SEMA3C: variants seen among roughly 807,000 people sequenced by gnomAD.
SEMA3C encodes semaphorin-3C.
In SEMA3C, 47 loss-of-function variants were observed where a neutral mutation model predicts 89.4. The observed-to-expected ratio is 0.53, with a 90% CI of 0.42 to 0.67. The LOEUF is 0.67. Among genes scored for constraint, SEMA3C ranks in the 30% least tolerant of loss-of-function variants. The probability of loss-of-function intolerance (pLI) is 0.00; values close to 1 mark genes in which losing one functional copy is unlikely to be tolerated. For synonymous variants in SEMA3C, 310 were observed against 320.2 expected (o/e 0.97, Z 0.34); for missense variants, 839 against 929.1 (o/e 0.90, Z 1.26).
At chr7:80,862,982 T>C (rs1034546462) in intron 2 of SEMA3C, among the ~76,000 whole-genome samples, 2 of 152,046 alleles carry the variant, frequency 1.3e-5, no homozygotes, top group Non-Finnish European at 2.9e-5. Flanking sequence ...CCTGAAACTA[T>C]AAAAATTCTA....
At chr7:80,899,168 G>C (rs1019807266) in intron 2 of SEMA3C, among the ~76,000 whole-genome samples, 2 of 152,146 alleles carry the variant, frequency 1.3e-5, no homozygotes, top group Non-Finnish European at 2.9e-5. Context: ...AGCCTCCTGA[G>C]TAGCTGCGAT....
intron 5 of SEMA3C, among the ~76,000 whole-genome samples, chr7:80,811,887 C>T (rs963894702): frequency 6.6e-6 from 1 of 152,062 alleles, no homozygotes; most frequent in Non-Finnish European, 1.5e-5. Flanking sequence ...TTTATATAGT[C>T]GCAATCAACA....
chr7:80,811,599 T>C (rs1425435759), intron 5 of SEMA3C, among the ~76,000 whole-genome samples: 1 of 152,022 alleles, frequency 6.6e-6, no homozygotes, highest in African/African-American at 2.4e-5. Context: ...TGATAAGGAA[T>C]CTTAATTATC....
At chr7:80,764,837 A>G (rs557497914) in intron 13 of SEMA3C, among the ~76,000 whole-genome samples, 3 of 152,310 alleles carry the variant, frequency 2.0e-5, no homozygotes, top group South Asian at 2.1e-4. Flanking sequence ...AAGCCCTTTC[A>G]TGGCAAAATC....
At chr7:80,753,016 C>A (rs1285245530) in intron 15 of SEMA3C, among the ~76,000 whole-genome samples, 1 of 152,114 alleles carries the variant, frequency 6.6e-6, no homozygotes, top group Non-Finnish European at 1.5e-5. Context: ...ATCACAAAGT[C>A]ATTGATAGTG....
intron 12 of SEMA3C, among the ~76,000 whole-genome samples, chr7:80,767,138 T>G (rs368225667): frequency 2.0e-5 from 3 of 152,336 alleles, no homozygotes. Context: ...ACTCCTGCTC[T>G]AAAACTTGCG....
chr7:80,921,400 T>A (rs1250666046), upstream of SEMA3C, among the ~76,000 whole-genome samples: 1 of 152,164 alleles, frequency 6.6e-6, no homozygotes, highest in African/African-American at 2.4e-5. Flanking sequence ...GCCAGAGACT[T>A]AGGCCACAGA....
rs78714209 is a variant in SEMA3C, at chr7:80,789,655, G to T, written c.1132-127C>A. On this transcript the variant is annotated intron_variant, in intron 11 of 17. Transcript: ENST00000265361. Reference sequence around the variant, plus strand: ...GTTTTAAGTATATCTGCTACCTATGGAAGTGAAAAGAAATAACATGATTAT... The same window carrying T: ...GTTTTAAGTATATCTGCTACCTATGTAAGTGAAAAGAAATAACATGATTAT... 6,292 of 640,296 alleles carry T rather than the reference G, an allele frequency of 9.8e-3. 277 individuals carry two copies. In the East Asian group the frequency reaches 0.11, roughly 11 times the overall value. The allele number at this position is 640,296 out of a possible 1,614,324, so 39.7% of individuals were successfully genotyped here.
At position 80,845,504 on chromosome 7, in the gene SEMA3C, C is replaced by T. The variant is rs1790369291; in HGVS notation, c.104-16759G>A. On this transcript the variant is annotated intron_variant, in intron 2 of 17. Transcript: ENST00000265361. ...AATGGCACCAGCATCCATATTCAACCTACAAACAATAAAATCATGCTCCAT... is the reference window on the plus strand; with the variant it reads ...AATGGCACCAGCATCCATATTCAACTTACAAACAATAAAATCATGCTCCAT... Among the ~76,000 whole-genome samples the T allele has an allele frequency of 2.0e-5, 3 of 152,046 alleles. No homozygotes were observed. The South Asian group carries it at 6.2e-4, about 32-fold the overall frequency.
At chr7:80,793,408 A>G (rs1788988565) in intron 11 of SEMA3C, 1 of 406,794 alleles carries the variant, frequency 2.5e-6, no homozygotes, top group Non-Finnish European at 4.8e-6. Flanking sequence ...CCATTACTTG[A>G]GCATATTTTA....
intron 5 of SEMA3C, among the ~76,000 whole-genome samples, chr7:80,811,551 T>TAA (rs142288894): frequency 2.0e-5 from 3 of 147,306 alleles, no homozygotes; most frequent in Non-Finnish European, 4.5e-5. Context: ...AAATTCAAAG[T>TAA]AAAAAAAAAA....
chr7:80,809,356 T>C (rs183300261), intron 6 of SEMA3C, among the ~76,000 whole-genome samples: 1 of 152,302 alleles, frequency 6.6e-6, no homozygotes, highest in Admixed American at 6.5e-5. Flanking sequence ...AACACCCCTT[T>C]AACCATTTCT....
intron 2 of SEMA3C, among the ~76,000 whole-genome samples, chr7:80,914,911 C>T (rs1792233326): frequency 6.6e-6 from 1 of 152,168 alleles, no homozygotes; most frequent in Non-Finnish European, 1.5e-5. Context: ...AAAGATTATA[C>T]TATGTAATTT....
At chr7:80,794,294 T>C (rs985148275) in intron 11 of SEMA3C, among the ~76,000 whole-genome samples, 3 of 152,146 alleles carry the variant, frequency 2.0e-5, no homozygotes, top group Non-Finnish European at 4.4e-5. Flanking sequence ...CAAATCAGAC[T>C]GTTTTACTAC....
chr7:80,765,723 C>T (rs9656399), intron 12 of SEMA3C, among the ~76,000 whole-genome samples: 4,397 of 152,044 alleles, frequency 0.029, 239 homozygotes, highest in African/African-American at 0.1. Flanking sequence ...ATTACAGGTG[C>T]CCGCCACCAC....
chr7:80,851,797 T>G (rs1790520141), intron 2 of SEMA3C, among the ~76,000 whole-genome samples: 1 of 151,972 alleles, frequency 6.6e-6, no homozygotes, highest in Admixed American at 6.6e-5. Flanking sequence ...AAAAAAAAAG[T>G]TGAATATAAT....
intron 5 of SEMA3C, among the ~76,000 whole-genome samples, chr7:80,817,326 G>A (rs1276023415): frequency 2.0e-5 from 3 of 151,896 alleles, no homozygotes; most frequent in African/African-American, 4.8e-5. Context: ...AGGAAAATAA[G>A]CTTTAGATCA....
rs1460468567 is a variant in SEMA3C, at chr7:80,918,835, G to A, written c.-46C>T. The A allele has an allele frequency of 6.1e-6, 6 of 985,328 alleles. No homozygotes were observed. Among genetic ancestry groups the A allele is most frequent in the South Asian group, 4.7e-5 (1 of 21,288 alleles). The allele number at this position is 985,328 out of a possible 1,614,324, so 61.0% of individuals were successfully genotyped here. A position where few individuals can be genotyped will look rare whatever the true frequency, so the allele number is the denominator to read the frequency against. Reference sequence around the variant, plus strand: ...ATGACCAATTTAGCTTACCGAGGTTGAAAGAAATCAGCACGGAAAAGTCAT... The same window carrying A: ...ATGACCAATTTAGCTTACCGAGGTTAAAAGAAATCAGCACGGAAAAGTCAT... On this transcript the variant is annotated 5_prime_UTR_variant, in exon 1 of 18. Transcript: ENST00000265361.
At chr7:80,863,943 A>C (rs1246452158) in intron 2 of SEMA3C, among the ~76,000 whole-genome samples, 1 of 137,334 alleles carries the variant, frequency 7.3e-6, no homozygotes, top group African/African-American at 3.0e-5. Context: ...CACATATATA[A>C]TATGTATATC....
Sources: gnomAD v4.1 joint callset for allele counts (sites outside exome capture counted in the v4.1 genomes callset) on GRCh38, gnomAD v4.1.1 for gene constraint, MANE v1.5 for transcripts, NCBI Gene and HGNC (gene_info 2026-07-23, HGNC 2026-07-21) for gene names.